DHX9: variants seen among roughly 807,000 people sequenced by gnomAD.
DHX9 encodes the protein ATP-dependent RNA helicase A.
In DHX9, 27 loss-of-function variants were observed where a neutral mutation model predicts 148.7. The observed-to-expected ratio is 0.18, with a 90% CI of 0.13 to 0.25. The LOEUF (loss-of-function observed/expected upper bound fraction) is 0.25, where lower values mean the gene tolerates loss of function less well. DHX9 is among the 10% of genes least tolerant of loss of function. DHX9 has a pLI of 1.00. For synonymous variants in DHX9, 529 were observed against 516.6 expected, an observed-to-expected ratio of 1.02 and a Z score of -0.33; for missense variants, 796 against 1,559.6, an observed-to-expected ratio of 0.51 and a Z score of 8.25.
intron 6 of DHX9, chr1:182,855,802 G>A: frequency 1.1e-6 from 1 of 920,302 alleles, no homozygotes; most frequent in Non-Finnish European, 1.3e-6. Context: ...CCAAGTCTAG[G>A]TTAGAATGTA....
intron 3 of DHX9, among the ~76,000 whole-genome samples, chr1:182,849,062 C>T (rs149065882): frequency 3.7e-4 from 57 of 152,324 alleles, no homozygotes; most frequent in African/African-American, 1.3e-3. Context: ...GGCAGCGATA[C>T]GTAACCAAAC....
intron 20 of DHX9, among the ~76,000 whole-genome samples, chr1:182,878,890 G>A (rs1263714571): frequency 1.3e-5 from 2 of 152,314 alleles, no homozygotes; most frequent in Non-Finnish European, 2.9e-5. Context: ...AGAAATGTTA[G>A]TATGAGTTAT....
intron 24 of DHX9, 149 bp from the exon 25 acceptor site, chr1:182,882,990 A>T: frequency 3.6e-6 from 2 of 552,404 alleles, no homozygotes; most frequent in Non-Finnish European, 6.5e-6. Flanking sequence ...ATCTGGGTGT[A>T]AGGATTCTGA....
chr1:182,856,114 GGGT>G (rs1446614822), intron 6 of DHX9, among the ~76,000 whole-genome samples: 25 of 152,216 alleles, frequency 1.6e-4, no homozygotes, highest in African/African-American at 5.8e-4. Flanking sequence ...AGTCATTAAT[GGGT>G]GGCCTATGCA....
intron 1 of DHX9, 101 bp from the exon 2 acceptor site, chr1:182,842,444 G>T: frequency 1.6e-6 from 1 of 617,534 alleles, no homozygotes; most frequent in Non-Finnish European, 2.8e-6. Context: ...CAACATGATA[G>T]AATATCCTAT....
chr1:182,855,808 A>G lies in DHX9; in HGVS notation c.627-724A>G, dbSNP rs1490355871. The G allele has an allele frequency of 1.4e-5, 13 of 897,912 alleles. No homozygotes were observed. In the African/African-American group the frequency reaches 2.0e-4, roughly 14 times the overall value. The allele number at this position is 897,912 out of a possible 1,614,324, so 55.6% of individuals were successfully genotyped here. A position where few individuals can be genotyped will look rare whatever the true frequency, so the allele number is the denominator to read the frequency against. Reference sequence around the variant, plus strand: ...TTCACACCACCAAGTCTAGGTTAGAATGTATCTGAGCAGTGAAAGGACCAG... The same window carrying G: ...TTCACACCACCAAGTCTAGGTTAGAGTGTATCTGAGCAGTGAAAGGACCAG... On this transcript the variant is annotated intron_variant, in intron 6 of 27. Coordinates refer to ENST00000367549, the MANE Select transcript of DHX9 (RefSeq NM_001357.5).
chr1:182,866,880 CTT>C (rs951243179), intron 13 of DHX9, 79 bp from the exon 14 acceptor site: 6 of 1,076,684 alleles, frequency 5.6e-6, no homozygotes, highest in Non-Finnish European at 8.2e-6. Context: ...GCTGGGGTCT[CTT>C]AGTTGAAATA....
At chr1:182,839,697 C>G (rs1490964395) in intron 1 of DHX9, 1 of 152,300 alleles carries the variant, frequency 6.6e-6, no homozygotes, top group East Asian at 1.9e-4. Flanking sequence ...CCAGCGTTTC[C>G]CGCTGCTGCC....
chr1:182,882,880 A>G (rs55908095), intron 24 of DHX9, among the ~76,000 whole-genome samples: 1 of 150,490 alleles, frequency 6.6e-6, no homozygotes, highest in Non-Finnish European at 1.5e-5. Context: ...AAAAAAAAAA[A>G]GTAATCACCC....
chr1:182,874,909 C>CA lies in DHX9; in HGVS notation c.1775dup (p.Lys593GlufsTer4). ...CCCACTTTGTTCCTCCACCAAAAGA[C>CA]AAAAAGAAGAAGGATAAGGATGATG... On this transcript the variant is annotated frameshift_variant, in exon 16 of 28. Coordinates refer to ENST00000367549, the MANE Select transcript of DHX9 (RefSeq NM_001357.5). LOFTEE classifies it high-confidence loss of function. The CA allele has an allele frequency of 6.2e-7, 1 of 1,613,098 alleles. No homozygotes were observed. Among genetic ancestry groups the CA allele is most frequent in the African/African-American group, 1.3e-5 (1 of 74,884 alleles).
chr1:182,871,776 T>C (rs911283130), intron 14 of DHX9, among the ~76,000 whole-genome samples: 8 of 152,202 alleles, frequency 5.3e-5, no homozygotes, highest in Non-Finnish European at 1.0e-4. Context: ...ACATAAAATA[T>C]GCATTCCCAT....
At chr1:182,839,955 G>A (rs560509495) in intron 1 of DHX9, 1 of 152,334 alleles carries the variant, frequency 6.6e-6, no homozygotes, top group African/African-American at 2.4e-5. Flanking sequence ...CTCGAAGGAG[G>A]GAGGCTTTGA....
Position 182,880,613 on chromosome 1 carries a change from G to A in DHX9, c.2624+5G>A, listed in dbSNP as rs1438810106. 1 of 1,573,302 alleles carries A rather than the reference G, an allele frequency of 6.4e-7. No individual in the cohort carries two copies. Among genetic ancestry groups the A allele is most frequent in the African/African-American group, 1.4e-5 (1 of 73,994 alleles). On this transcript the variant is annotated splice_donor_5th_base_variant and intron_variant, in intron 22 of 27. Coordinates refer to ENST00000367549, the MANE Select transcript of DHX9 (RefSeq NM_001357.5). ...GATAATGGGGTGTATTTTCTAGTAA[G>A]TGCTTTGTTTTATTTCTCTTCGTTA...
At chr1:182,866,366 C>A in intron 12 of DHX9, 78 bp from the exon 13 acceptor site, 1 of 1,486,758 alleles carries the variant, frequency 6.7e-7, no homozygotes, top group Non-Finnish European at 9.2e-7. Context: ...AGATTTACTA[C>A]AATAATCCAA....
At chr1:182,848,898 A>T (rs543396383) in intron 3 of DHX9, among the ~76,000 whole-genome samples, 1 of 152,258 alleles carries the variant, frequency 6.6e-6, no homozygotes, top group South Asian at 2.1e-4. Context: ...CTTTTAAATG[A>T]CCAGATCTCA....
intron 12 of DHX9, among the ~76,000 whole-genome samples, chr1:182,862,266 T>C (rs1253782118): frequency 1.3e-5 from 2 of 152,174 alleles, no homozygotes; most frequent in African/African-American, 2.4e-5. Flanking sequence ...AGTTTAGAGT[T>C]ATGGACTGGC....
chr1:182,877,448 A>G (rs1648861820), intron 19 of DHX9: 1 of 153,342 alleles, frequency 6.5e-6, no homozygotes, highest in Admixed American at 6.5e-5. Context: ...ACTTCTCTTT[A>G]TAATTCCTTA....
Position 182,877,823 on chromosome 1 carries a change from G to A in DHX9, c.2199-198G>A, listed in dbSNP as rs554604881. The A allele has an allele frequency of 2.8e-5, 17 of 606,822 alleles. No homozygotes were observed. The South Asian group carries it at 3.7e-4, about 13-fold the overall frequency. 37.6% of individuals were successfully genotyped at this position (606,822 alleles called of 1,614,324 possible). A position where few individuals can be genotyped will look rare whatever the true frequency, so the allele number is the denominator to read the frequency against. Reference sequence around the variant, plus strand: ...TTCAGCTGATAAGTGGCAAGTGGATGTTACATTGCCTTTTAGTAGGTTGAC... The same window carrying A: ...TTCAGCTGATAAGTGGCAAGTGGATATTACATTGCCTTTTAGTAGGTTGAC... On this transcript the variant is annotated intron_variant, in intron 19 of 27. Coordinates refer to ENST00000367549, the MANE Select transcript of DHX9 (RefSeq NM_001357.5).
At chr1:182,844,331 T>C (rs1667987075) in intron 3 of DHX9, among the ~76,000 whole-genome samples, 1 of 152,246 alleles carries the variant, frequency 6.6e-6, no homozygotes, top group Admixed American at 6.5e-5. Flanking sequence ...ATCTTAATTA[T>C]ATTACGTAAG....
Sources: allele counts gnomAD v4.1 joint callset (sites outside exome capture counted in the v4.1 genomes callset), GRCh38; gene constraint gnomAD v4.1.1; transcripts MANE v1.5; gene names NCBI Gene and HGNC (gene_info 2026-07-23, HGNC 2026-07-21).